The following MYO9A variants were observed in gnomAD, a reference collection of about 807,000 sequenced individuals.
MYO9A encodes unconventional myosin-IXa.
A neutral mutation model predicts 293.3 loss-of-function variants in MYO9A; 103 were observed. The observed-to-expected ratio is 0.35, with a 90% CI of 0.30 to 0.41. The LOEUF (loss-of-function observed/expected upper bound fraction) is 0.41. Among genes scored for constraint, MYO9A ranks in the 10% least tolerant of loss-of-function variants. The probability of loss-of-function intolerance (pLI) is 1.00; values close to 1 mark genes in which losing one functional copy is unlikely to be tolerated. For synonymous variants in MYO9A, 1,001 were observed against 1,035.7 expected (o/e 0.97, Z 0.64); for missense variants, 2,685 against 3,033.0 (o/e 0.89, Z 2.69).
At chr15:72,015,203 G>C (rs1247744540) in intron 6 of MYO9A, among the ~76,000 whole-genome samples, 1 of 152,010 alleles carries the variant, frequency 6.6e-6, no homozygotes, top group Non-Finnish European at 1.5e-5. Flanking sequence ...AGTATGCAGA[G>C]ACCTTATACT....
intron 1 of MYO9A, chr15:72,114,631 G>A (rs1288184267): frequency 6.6e-6 from 1 of 152,186 alleles, no homozygotes; most frequent in Non-Finnish European, 1.5e-5. Context: ...AAAGAGGCAG[G>A]AAGAGTTTTG....
At chr15:71,922,400 C>A (rs1387888107) in intron 18 of MYO9A, among the ~76,000 whole-genome samples, 3 of 152,136 alleles carry the variant, frequency 2.0e-5, no homozygotes, top group Admixed American at 1.3e-4. Flanking sequence ...CACATGTATA[C>A]ATTGAGTAGT....
chr15:72,084,316 C>T (rs796689075), intron 1 of MYO9A, among the ~76,000 whole-genome samples: 14 of 152,184 alleles, frequency 9.2e-5, no homozygotes, highest in African/African-American at 2.9e-4. Context: ...GCAACCCTTG[C>T]TTTTTTGTTT....
At chr15:72,029,964 C>T (rs2077811058) in intron 3 of MYO9A, among the ~76,000 whole-genome samples, 1 of 152,274 alleles carries the variant, frequency 6.6e-6, no homozygotes, top group Non-Finnish European at 1.5e-5. Context: ...ACACACAATC[C>T]CTCAAAGATT....
intron 39 of MYO9A, among the ~76,000 whole-genome samples, chr15:71,834,904 TA>T (rs2054877592): frequency 6.6e-6 from 1 of 152,136 alleles, no homozygotes; most frequent in South Asian, 2.1e-4. Flanking sequence ...AAATTTTAAA[TA>T]TATGAAAAGT....
intron 19 of MYO9A, among the ~76,000 whole-genome samples, chr15:71,913,500 C>T (rs2057920827): frequency 6.6e-6 from 1 of 152,128 alleles, no homozygotes; most frequent in South Asian, 2.1e-4. Context: ...TGTCTTTGGG[C>T]ATATTTAAAA....
chr15:71,965,926 G>A (rs970005594), intron 13 of MYO9A, among the ~76,000 whole-genome samples: 9 of 151,854 alleles, frequency 5.9e-5, no homozygotes, highest in Non-Finnish European at 1.5e-5. Context: ...TCTCAGGCTG[G>A]AGTGAAATGG....
intron 19 of MYO9A, among the ~76,000 whole-genome samples, chr15:71,906,444 T>C (rs1301324643): frequency 2.6e-5 from 4 of 152,178 alleles, no homozygotes; most frequent in African/African-American, 9.7e-5. Context: ...TGTCCATTTT[T>C]CTTTTAATTC....
intron 19 of MYO9A, among the ~76,000 whole-genome samples, chr15:71,909,833 T>C (rs1022113713): frequency 3.3e-5 from 5 of 152,062 alleles, no homozygotes; most frequent in African/African-American, 4.8e-5. Flanking sequence ...CAAATGCTAT[T>C]GTAGTATAAT....
chr15:71,884,623 G>A (rs953221354), intron 27 of MYO9A, among the ~76,000 whole-genome samples: 25 of 152,028 alleles, frequency 1.6e-4, no homozygotes, highest in Non-Finnish European at 3.7e-4. Context: ...GCTTGTACAC[G>A]CTTTCATCAT....
At chr15:71,984,818 T>A (rs946338973) in intron 11 of MYO9A, among the ~76,000 whole-genome samples, 9 of 152,202 alleles carry the variant, frequency 5.9e-5, no homozygotes, top group Admixed American at 3.3e-4. Flanking sequence ...TGCACCTTAT[T>A]TTTTAAAATT....
At chr15:71,925,322 TA>T (rs2058278432) in intron 18 of MYO9A, among the ~76,000 whole-genome samples, 2 of 23,292 alleles carry the variant, frequency 8.6e-5, no homozygotes, top group Admixed American at 5.3e-4. Context: ...TACGTATATG[TA>T]CATATATACG....
intron 1 of MYO9A, among the ~76,000 whole-genome samples, chr15:72,064,555 T>A (rs2078965772): frequency 6.6e-6 from 1 of 152,242 alleles, no homozygotes; most frequent in Non-Finnish European, 1.5e-5. Context: ...GTTACACTTA[T>A]TTTTGGTGGT....
chr15:71,907,038 C>T (rs559300504), intron 19 of MYO9A, among the ~76,000 whole-genome samples: 1 of 149,218 alleles, frequency 6.7e-6, no homozygotes, highest in African/African-American at 2.5e-5. Flanking sequence ...GGTGCGCTGC[C>T]CCCACTAACT....
chr15:72,000,419 A>G (rs1596350670), intron 8 of MYO9A, among the ~76,000 whole-genome samples: 3 of 150,604 alleles, frequency 2.0e-5, no homozygotes, highest in African/African-American at 7.5e-5. Context: ...TGAATGATAA[A>G]CTTTTAAGAT....
intron 1 of MYO9A, among the ~76,000 whole-genome samples, chr15:72,066,484 CAAA>C (rs369900151): frequency 5.6e-5 from 5 of 88,676 alleles, no homozygotes; most frequent in African/African-American, 9.1e-5. Context: ...GACTTGGTCT[CAAA>C]AAAAAAAAAA....
chr15:72,112,425 T>C (rs2080812690), intron 1 of MYO9A, among the ~76,000 whole-genome samples: 2 of 152,202 alleles, frequency 1.3e-5, no homozygotes. Context: ...TTACTATACC[T>C]ATCCCAAGCA....
intron 1 of MYO9A, among the ~76,000 whole-genome samples, chr15:72,058,523 T>C (rs2078786445): frequency 6.6e-6 from 1 of 152,082 alleles, no homozygotes; most frequent in Non-Finnish European, 1.5e-5. Context: ...GATTACTAAA[T>C]AAATGATGTG....
intron 26 of MYO9A, chr15:71,893,327 C>G: frequency 2.0e-6 from 1 of 507,424 alleles, no homozygotes; most frequent in Non-Finnish European, 3.2e-6. Flanking sequence ...GCAGAAGTGA[C>G]AGGGATGACC....
Sources: allele counts gnomAD v4.1 joint callset (sites outside exome capture counted in the v4.1 genomes callset), GRCh38; gene constraint gnomAD v4.1.1; transcripts MANE v1.5; gene names NCBI Gene and HGNC (gene_info 2026-07-23, HGNC 2026-07-21).